Variants in WIPF1 observed in about 807,000 individuals in gnomAD.
The protein encoded by WIPF1 is WAS/WASL interacting protein family member 1.
In WIPF1, 13 loss-of-function variants were observed where a neutral mutation model predicts 35.4. That is an observed-to-expected ratio of 0.37 (90% CI 0.24 to 0.58). The LOEUF is 0.58. Ranked by LOEUF, WIPF1 falls within the 20% of genes least tolerant of loss-of-function variation. The pLI is 0.74. For synonymous variants in WIPF1, 267 were observed against 266.3 expected (o/e 1.00, Z -0.02); for missense variants, 591 against 667.0 (o/e 0.89, Z 1.25).
intron 1 of WIPF1, among the ~76,000 whole-genome samples, chr2:174,649,148 T>G (rs750918356): frequency 6.6e-6 from 1 of 152,158 alleles, no homozygotes; most frequent in African/African-American, 2.4e-5. Flanking sequence ...CTCTCAGTGT[T>G]TTCATCATCA....
At position 174,575,394 on chromosome 2, in the gene WIPF1, GAC is replaced by G; in HGVS notation, c.182-16_182-15del. On this transcript the variant is annotated splice_polypyrimidine_tract_variant and intron_variant, in intron 3 of 7. Coordinates refer to ENST00000679041, the MANE Select transcript of WIPF1 (RefSeq NM_001375834.1). The stretch of plus-strand genomic sequence containing the variant: ...CTCCTTTAGGTTCTGTAGAAGAAGA[GAC>G]ACCCGACAGACTATGCCCCCTGGTC... 6.3e-7 allele frequency: 1 copy of G among 1,597,566 alleles called. No individual in the cohort carries two copies. Among genetic ancestry groups the G allele is most frequent in the Non-Finnish European group, 8.5e-7 (1 of 1,171,066 alleles).
chr2:174,595,484 TTAG>T (rs1685793261), intron 1 of WIPF1, among the ~76,000 whole-genome samples: 1 of 152,020 alleles, frequency 6.6e-6, no homozygotes, highest in Admixed American at 6.6e-5. Flanking sequence ...TAGCACCTAC[TTAG>T]TAGGGTTATT....
intron 1 of WIPF1, chr2:174,630,595 T>G (rs1686988743): frequency 6.6e-6 from 1 of 152,190 alleles, no homozygotes; most frequent in Non-Finnish European, 1.5e-5. Flanking sequence ...TAGAGCTTTT[T>G]TTTCCCCTTT....
rs995902070 is a variant in WIPF1, at chr2:174,561,392, C to T, written c.*1155G>A. Reference sequence around the variant, plus strand: ...CTCCCAGCCTCAGGAGCTTGCTCAGCCAGAAAGGAACAAAGGCTGCTTCCA... The same window carrying T: ...CTCCCAGCCTCAGGAGCTTGCTCAGTCAGAAAGGAACAAAGGCTGCTTCCA... On this transcript the variant is annotated 3_prime_UTR_variant, in exon 8 of 8. Transcript: ENST00000679041. 1 of 152,228 alleles carries T rather than the reference C, an allele frequency of 6.6e-6. No individual in the cohort carries two copies. Among genetic ancestry groups the T allele is most frequent in the African/African-American group, 2.4e-5 (1 of 41,452 alleles). The allele number at this position is 152,228 out of a possible 1,614,324, so 9.4% of individuals were successfully genotyped here. A position where few individuals can be genotyped will look rare whatever the true frequency, so the allele number is the denominator to read the frequency against.
intron 1 of WIPF1, among the ~76,000 whole-genome samples, chr2:174,628,160 C>T (rs531788106): frequency 1.1e-3 from 161 of 152,218 alleles, no homozygotes; most frequent in Middle Eastern, 3.4e-3. Flanking sequence ...CAAAAAAATG[C>T]CATTTCTTTC....
chr2:174,599,792 A>ACTCACACACTCT (rs1553530478), upstream of WIPF1, among the ~76,000 whole-genome samples: 1 of 148,564 alleles, frequency 6.7e-6, no homozygotes, highest in Non-Finnish European at 1.5e-5. Context: ...ACACACACAC[A>ACTCACACACTCT]CTCTCTCTCT....
rs66562213 is a variant in WIPF1 at position 174,576,230 on chromosome 2, CA to C, written c.182-851del. Among the ~76,000 whole-genome samples the C allele has an allele frequency of 2.4e-3, 237 of 98,930 alleles. 1 individual carries two copies. Among genetic ancestry groups the C allele is most frequent in the Middle Eastern group, 0.011 (2 of 186 alleles). The allele number at this position is 98,930 out of a possible 152,430, so 64.9% of individuals were successfully genotyped here. A position where few individuals can be genotyped will look rare whatever the true frequency, so the allele number is the denominator to read the frequency against. On this transcript the variant is annotated intron_variant, in intron 3 of 7. Transcript: ENST00000679041. ...CTATGATTGCACCACTGCACTCCAG[CA>C]AAAAAAAAAAAAAAAAAACACTAAG...
At chr2:174,575,079 G>C in intron 4 of WIPF1, 125 bp downstream of exon 4, 2 of 1,062,374 alleles carry the variant, frequency 1.9e-6, no homozygotes. Context: ...TAAAACAGTG[G>C]TAATATTTAA....
intron 1 of WIPF1, among the ~76,000 whole-genome samples, chr2:174,670,337 G>C (rs1337470259): frequency 6.6e-6 from 1 of 152,160 alleles, no homozygotes; most frequent in Non-Finnish European, 1.5e-5. Flanking sequence ...GACCAGAGCT[G>C]ACAGGGAGCA....
At chr2:174,607,946 C>G (rs902315302) in intron 1 of WIPF1, among the ~76,000 whole-genome samples, 2 of 152,202 alleles carry the variant, frequency 1.3e-5, no homozygotes, top group Non-Finnish European at 2.9e-5. Flanking sequence ...TGTGATTATG[C>G]TGCTCCACGT....
chr2:174,652,791 TAAA>T (rs78645163), intron 1 of WIPF1, among the ~76,000 whole-genome samples: 1 of 135,928 alleles, frequency 7.4e-6, no homozygotes, highest in African/African-American at 2.8e-5. Context: ...AAATTCCATT[TAAA>T]AAAAAAAAAA....
chr2:174,596,646 GGGAGGCC>G (rs1291501678), intron 1 of WIPF1, among the ~76,000 whole-genome samples: 1 of 152,110 alleles, frequency 6.6e-6, no homozygotes, highest in Non-Finnish European at 1.5e-5. Flanking sequence ...CCAGCACTTT[GGGAGGCC>G]GAGGCGGGCA....
chr2:174,652,465 G>T (rs1185165489), intron 1 of WIPF1, among the ~76,000 whole-genome samples: 1 of 152,150 alleles, frequency 6.6e-6, no homozygotes, highest in South Asian at 2.1e-4. Flanking sequence ...TATTAATTTG[G>T]AATAACAACA....
At chr2:174,588,474 G>C (rs541715422) in intron 1 of WIPF1, among the ~76,000 whole-genome samples, 161 of 152,330 alleles carry the variant, frequency 1.1e-3, no homozygotes, top group African/African-American at 3.8e-3. Context: ...TTAGGGGGCA[G>C]ACTGTGGAAT....
intron 1 of WIPF1, among the ~76,000 whole-genome samples, chr2:174,681,977 G>C (rs1008237564): frequency 2.6e-5 from 4 of 152,214 alleles, no homozygotes; most frequent in South Asian, 2.1e-4. Flanking sequence ...GATTAACAAA[G>C]GCTCACAGCG....
At chr2:174,575,468 G>A (rs565513498) in intron 3 of WIPF1, 88 bp from the exon 4 acceptor site, 2 of 1,451,714 alleles carry the variant, frequency 1.4e-6, no homozygotes, top group Admixed American at 2.4e-5. Flanking sequence ...GAGCTGGCCG[G>A]CTCTCGGCCT....
chr2:174,650,428 C>T (rs1202794670), intron 1 of WIPF1, among the ~76,000 whole-genome samples: 4 of 152,188 alleles, frequency 2.6e-5, no homozygotes, highest in Non-Finnish European at 5.9e-5. Flanking sequence ...TTTTTAAATG[C>T]TGATTCAGTC....
At chr2:174,636,992 TC>T (rs1434361983) in intron 1 of WIPF1, among the ~76,000 whole-genome samples, 1 of 152,234 alleles carries the variant, frequency 6.6e-6, no homozygotes, top group East Asian at 1.9e-4. Context: ...TCGAAGAAAG[TC>T]CTTCAGGGTA....
Position 174,680,575 on chromosome 2 carries a change from G to A in WIPF1, c.-39+2199C>T, listed in dbSNP as rs529412872. Among the ~76,000 whole-genome samples the A allele has an allele frequency of 2.6e-5, 4 of 152,318 alleles. No homozygotes were observed. In the South Asian group the frequency reaches 6.2e-4, roughly 24 times the overall value. On this transcript the variant is annotated intron_variant, in intron 1 of 8. Coordinates refer to the WIPF1 transcript ENST00000272746. The stretch of plus-strand genomic sequence containing the variant: ...TGTTTCATTTATTCTCTCAGTATGT[G>A]TTGTGGAAACCAACTATGTTCCTAA...
Sources: allele counts gnomAD v4.1 joint callset (sites outside exome capture counted in the v4.1 genomes callset), GRCh38; gene constraint gnomAD v4.1.1; transcripts MANE v1.5; gene names NCBI Gene and HGNC (gene_info 2026-07-23, HGNC 2026-07-21).